Variants in SRGAP2B observed in about 807,000 individuals in gnomAD.
The protein encoded by SRGAP2B is SLIT-ROBO Rho GTPase activating protein 2B.
In SRGAP2B, 9 loss-of-function variants were observed where a neutral mutation model predicts 22.2. That is an observed-to-expected ratio of 0.41 (90% CI 0.24 to 0.71). The LOEUF is 0.71. Among genes scored for constraint, SRGAP2B ranks in the 30% least tolerant of loss-of-function variants. SRGAP2B has a pLI of 0.35. For synonymous variants in SRGAP2B, 36 were observed against 87.4 expected (o/e 0.41, Z 3.28); for missense variants, 114 against 235.8 (o/e 0.48, Z 3.38).
chr1:144,945,609 A>G (rs1666438875), intron 4 of SRGAP2B, among the ~76,000 whole-genome samples: 1 of 150,622 alleles, frequency 6.6e-6, no homozygotes, highest in Non-Finnish European at 1.5e-5. Context: ...AAACAAACAA[A>G]CAAACAAACA....
chr1:144,970,843 G>C (rs587610832), intron 3 of SRGAP2B, among the ~76,000 whole-genome samples: 2 of 150,004 alleles, frequency 1.3e-5, no homozygotes, highest in East Asian at 3.9e-4. Context: ...CAGCAGACCT[G>C]CCCTGCCTAA....
chr1:144,979,900 G>C (rs1357639989), intron 3 of SRGAP2B, among the ~76,000 whole-genome samples: 1 of 151,240 alleles, frequency 6.6e-6, no homozygotes, highest in Non-Finnish European at 1.5e-5. Flanking sequence ...AAATTACCCA[G>C]CCTCAGGTAT....
chr1:145,007,588 G>A lies in SRGAP2B; in HGVS notation c.68-12388C>T, dbSNP rs7543716. Reference sequence around the variant, plus strand: ...CAGAGAAAATTCTGACCCTGGAACTGGACTGCCTGGGCTCAAAATGCCAGC... The same window carrying A: ...CAGAGAAAATTCTGACCCTGGAACTAGACTGCCTGGGCTCAAAATGCCAGC... On this transcript the variant is annotated intron_variant, in intron 2 of 9. Coordinates refer to ENST00000612199, the Ensembl canonical transcript of SRGAP2B. Among the ~76,000 whole-genome samples, 16 of 150,420 alleles carry A rather than the reference G, an allele frequency of 1.1e-4. 1 individual carries two copies. The highest frequency in any genetic ancestry group is 4.0e-4 in the African/African-American group (16 of 40,064).
chr1:145,084,029 C>G (rs587719808), intron 2 of SRGAP2B, among the ~76,000 whole-genome samples: 10 of 134,088 alleles, frequency 7.5e-5, no homozygotes, highest in African/African-American at 2.6e-4. Flanking sequence ...ATCCCAGAAA[C>G]GTTGGGCTTT....
Position 144,966,824 on chromosome 1 carries a change from A to T in SRGAP2B, c.261-11223T>A, listed in dbSNP as rs147665534. On this transcript the variant is annotated intron_variant, in intron 3 of 9. Coordinates refer to ENST00000612199, the Ensembl canonical transcript of SRGAP2B. ...TACCAAGCAAATGGAAAACAAAAAAAGGAAGGGGTTGCAATCCTAGTCTCT... is the reference window on the plus strand; with the variant it reads ...TACCAAGCAAATGGAAAACAAAAAATGGAAGGGGTTGCAATCCTAGTCTCT... 4.7e-3 allele frequency among the ~76,000 whole-genome samples: 710 copies of T among 149,562 alleles called. 21 individuals are homozygous for T. The highest frequency in any genetic ancestry group is 7.5e-3 in the Non-Finnish European group (509 of 67,974).
At chr1:144,967,546 T>C (rs1668180520) in intron 3 of SRGAP2B, among the ~76,000 whole-genome samples, 1 of 147,884 alleles carries the variant, frequency 6.8e-6, no homozygotes, top group South Asian at 2.1e-4. Flanking sequence ...GCAGGAAAGA[T>C]CCAAAATTGA....
At chr1:145,087,870 C>G (rs374279133) in intron 2 of SRGAP2B, among the ~76,000 whole-genome samples, 10 of 149,232 alleles carry the variant, frequency 6.7e-5, no homozygotes, top group African/African-American at 2.2e-4. Context: ...TGCCTACCAC[C>G]TTCCTCTAGG....
chr1:145,041,131 A>C, intron 2 of SRGAP2B, among the ~76,000 whole-genome samples: 1 of 103,916 alleles, frequency 9.6e-6, no homozygotes, highest in African/African-American at 4.0e-5. Context: ...CCACCACACT[A>C]CTCTACCACT....
chr1:145,081,611 A>C (rs9286580), intron 2 of SRGAP2B, among the ~76,000 whole-genome samples: 1 of 147,888 alleles, frequency 6.8e-6, no homozygotes, highest in African/African-American at 2.6e-5. Context: ...TGTCTTCCCA[A>C]AGAGCAGCTT....
intron 2 of SRGAP2B, among the ~76,000 whole-genome samples, chr1:145,015,206 G>A (rs1672330656): frequency 1.2e-5 from 1 of 82,990 alleles, no homozygotes; most frequent in Non-Finnish European, 2.2e-5. Flanking sequence ...AGCCTCCCGA[G>A]TAGCTGGAAT....
At chr1:144,971,895 C>A (rs1622502) in intron 3 of SRGAP2B, among the ~76,000 whole-genome samples, 1 of 150,426 alleles carries the variant, frequency 6.6e-6, no homozygotes, top group Non-Finnish European at 1.5e-5. Flanking sequence ...GACTAGTAAC[C>A]GTTTTCTTAT....
chr1:144,966,364 A>G (rs1177824121), intron 3 of SRGAP2B, among the ~76,000 whole-genome samples: 1 of 149,060 alleles, frequency 6.7e-6, no homozygotes, highest in Non-Finnish European at 1.5e-5. Context: ...AGAATTTTCA[A>G]CCCAGAATTT....
At chr1:144,991,319 T>G (rs1670200258) in intron 3 of SRGAP2B, among the ~76,000 whole-genome samples, 1 of 150,380 alleles carries the variant, frequency 6.6e-6, no homozygotes, top group African/African-American at 2.5e-5. Context: ...GCTCAAGGTT[T>G]GTAAACACAC....
At chr1:144,958,080 C>A (rs1335145488) in intron 3 of SRGAP2B, among the ~76,000 whole-genome samples, 2 of 150,074 alleles carry the variant, frequency 1.3e-5, no homozygotes, top group Admixed American at 1.3e-4. Context: ...TATAAAAGTG[C>A]AAATGCTGCA....
At chr1:144,924,592 CGTA>C (rs1373409674) in intron 4 of SRGAP2B, among the ~76,000 whole-genome samples, 1 of 151,118 alleles carries the variant, frequency 6.6e-6, no homozygotes, top group Admixed American at 6.6e-5. Context: ...GTTAGCCGGG[CGTA>C]GTGGCGGGCG....
At position 145,045,291 on chromosome 1, in the gene SRGAP2B, C is replaced by T. The variant is rs1462253603; in HGVS notation, c.67+47544G>A. Among the ~76,000 whole-genome samples the T allele has an allele frequency of 4.3e-5, 5 of 115,986 alleles. No homozygotes were observed. The East Asian group carries it at 1.2e-3, about 27-fold the overall frequency. The allele number at this position is 115,986 out of a possible 152,430, so 76.1% of individuals were successfully genotyped here. A position where few individuals can be genotyped will look rare whatever the true frequency, so the allele number is the denominator to read the frequency against. ...CAGCCTGGGGGACGGAGCGAGACTC[C>T]GCCTCAAAAAAAAAAAAAAAAAGAA... On this transcript the variant is annotated intron_variant, in intron 2 of 9. Transcript: ENST00000612199.
chr1:145,006,183 T>A (rs1481731979), intron 2 of SRGAP2B, among the ~76,000 whole-genome samples: 10 of 150,940 alleles, frequency 6.6e-5, no homozygotes, highest in African/African-American at 9.9e-5. Flanking sequence ...AGCAGTCATG[T>A]CAACAACAAG....
chr1:144,909,544 G>A (rs1321828260), intron 5 of SRGAP2B, among the ~76,000 whole-genome samples: 3 of 144,746 alleles, frequency 2.1e-5, no homozygotes, highest in Admixed American at 1.4e-4. Flanking sequence ...CCGAGATCAC[G>A]CCACTGCACT....
rs1465077006 is a variant in SRGAP2B at position 144,970,031 on chromosome 1, A to G, written c.261-14430T>C. Among the ~76,000 whole-genome samples, 3 of 149,904 alleles carry G rather than the reference A, an allele frequency of 2.0e-5. 1 individual carries two copies. The highest frequency in any genetic ancestry group is 7.6e-5 in the African/African-American group (3 of 39,730). On this transcript the variant is annotated intron_variant, in intron 3 of 9. Coordinates refer to ENST00000612199, the Ensembl canonical transcript of SRGAP2B. ...GGAGAGGATGTGGAGAAATACAAAC[A>G]CTTTTACACTGTTGGTGGGACTGTA...
Sources: allele counts gnomAD v4.1 joint callset (sites outside exome capture counted in the v4.1 genomes callset), GRCh38; gene constraint gnomAD v4.1.1; transcripts MANE v1.5; gene names NCBI Gene and HGNC (gene_info 2026-07-23, HGNC 2026-07-21).